The following ANK1 variants were observed in gnomAD, a reference collection of about 807,000 sequenced individuals.
ANK1 encodes the protein ankyrin 1, also known as ankyrin-1.
Under a neutral mutation model 210.4 loss-of-function variants are expected in ANK1, and 51 were observed. The observed-to-expected ratio is 0.24, with a 90% CI of 0.19 to 0.31. The LOEUF is 0.31. Among genes scored for constraint, ANK1 ranks in the 10% least tolerant of loss-of-function variants. ANK1 has a pLI of 1.00. For synonymous variants in ANK1, 967 were observed against 1,025.9 expected, an observed-to-expected ratio of 0.94 and a Z score of 1.10; for missense variants, 2,051 against 2,504.4, an observed-to-expected ratio of 0.82 and a Z score of 3.86.
At chr8:41,857,360 G>A (rs1041860311) in intron 1 of ANK1, among the ~76,000 whole-genome samples, 8 of 151,502 alleles carry the variant, frequency 5.3e-5, no homozygotes, top group African/African-American at 1.7e-4. Context: ...CACTTTGGGA[G>A]GCCGAGGCAG....
intron 9 of ANK1, among the ~76,000 whole-genome samples, chr8:41,721,727 C>T (rs1305952245): frequency 6.7e-6 from 1 of 149,360 alleles, no homozygotes; most frequent in Non-Finnish European, 1.5e-5. Flanking sequence ...CCTCCAGCTT[C>T]TGGAAGTGTG....
chr8:41,896,671 G>A (rs1255399987), exon 1 of ANK1: 3 of 630,548 alleles, frequency 4.8e-6, no homozygotes, highest in East Asian at 5.1e-5. Context: ...GGCGAGGGGC[G>A]GCTGCCCGCG....
At chr8:41,758,175 GTATT>G (rs751122184) in intron 1 of ANK1, 38 bp from the exon 2 acceptor site, 1 of 1,580,106 alleles carries the variant, frequency 6.3e-7, no homozygotes, top group Admixed American at 1.7e-5. Flanking sequence ...TGTCCTGGGT[GTATT>G]AATGACTTCT....
chr8:41,723,452 A>T (rs1303946440), intron 8 of ANK1, 83 bp downstream of exon 8: 3 of 1,520,358 alleles, frequency 2.0e-6, no homozygotes, highest in Non-Finnish European at 2.7e-6. Flanking sequence ...TAACTAGGTC[A>T]CCAAGGGCCC....
At chr8:41,807,375 C>A (rs574321115) in intron 1 of ANK1, among the ~76,000 whole-genome samples, 2 of 152,304 alleles carry the variant, frequency 1.3e-5, no homozygotes, top group Admixed American at 1.3e-4. Context: ...AAGACTCTAA[C>A]GTGGCTTTGA....
chr8:41,668,612 G>A, intron 38 of ANK1, 48 bp from the exon 39 acceptor site: 1 of 1,568,244 alleles, frequency 6.4e-7, no homozygotes, highest in South Asian at 1.2e-5. Flanking sequence ...AGAGAGAAAA[G>A]ACACCTGGTC....
In ANK1 at chr8:41,702,039, G is replaced by A. The variant is rs533332244; in HGVS notation, c.2388+13C>T. ...GTGTGTCTGGGGTGGGTGCGGGGGA[G>A]AGGCAGACATACCACGAAACTGGTT... On this transcript the variant is annotated intron_variant, in intron 21 of 42. Transcript: ENST00000289734. The A allele has an allele frequency of 1.1e-5, 17 of 1,610,388 alleles. No individual in the cohort carries two copies. In the South Asian group the frequency reaches 1.8e-4, roughly 17 times the overall value.
chr8:41,809,301 C>A (rs931796151), intron 1 of ANK1, among the ~76,000 whole-genome samples: 1 of 152,200 alleles, frequency 6.6e-6, no homozygotes, highest in East Asian at 1.9e-4. Flanking sequence ...ACACCAAATG[C>A]GCAGCTCTGT....
At chr8:41,750,245 T>C (rs900022661) in intron 2 of ANK1, among the ~76,000 whole-genome samples, 1 of 152,202 alleles carries the variant, frequency 6.6e-6, no homozygotes, top group African/African-American at 2.4e-5. Flanking sequence ...AATGCACATG[T>C]GGAACTTTAG....
chr8:41,720,958 C>T (rs1198962670), intron 9 of ANK1, among the ~76,000 whole-genome samples: 2 of 152,124 alleles, frequency 1.3e-5, no homozygotes, highest in Non-Finnish European at 2.9e-5. Context: ...GAGCTCAGGA[C>T]CTGGGACTTC....
chr8:41,802,071 C>A (rs574631957), upstream of ANK1, among the ~76,000 whole-genome samples: 1 of 152,282 alleles, frequency 6.6e-6, no homozygotes, highest in Non-Finnish European at 1.5e-5. Context: ...CTCACTGCAA[C>A]CTCCGCCTCC....
intron 1 of ANK1, chr8:41,829,538 C>G (rs1175588506): frequency 1.3e-5 from 2 of 152,214 alleles, no homozygotes; most frequent in East Asian, 1.9e-4. Context: ...TCCCACTCAC[C>G]GTGTAAGACC....
chr8:41,658,331 G>C (rs1354632047), intron 42 of ANK1, among the ~76,000 whole-genome samples: 2 of 152,222 alleles, frequency 1.3e-5, no homozygotes, highest in Non-Finnish European at 2.9e-5. Context: ...AATTGTTTGA[G>C]TCCCAGAGCA....
At chr8:41,820,760 T>C (rs986353778) in intron 1 of ANK1, among the ~76,000 whole-genome samples, 2 of 152,172 alleles carry the variant, frequency 1.3e-5, no homozygotes, top group Admixed American at 1.3e-4. Flanking sequence ...AAAAACCATG[T>C]TTAATTGCAT....
intron 1 of ANK1, among the ~76,000 whole-genome samples, chr8:41,763,797 A>G (rs1337724375): frequency 1.3e-5 from 2 of 151,968 alleles, no homozygotes; most frequent in Admixed American, 1.3e-4. Flanking sequence ...CCAGGGAAGT[A>G]AAGTGACCGG....
upstream of ANK1, among the ~76,000 whole-genome samples, chr8:41,800,453 C>A (rs887892035): frequency 6.6e-6 from 1 of 152,138 alleles, no homozygotes; most frequent in African/African-American, 2.4e-5. Context: ...ATTAGATTAA[C>A]GCTTTAATTC....
At chr8:41,707,267 G>T (rs936745808) in intron 17 of ANK1, among the ~76,000 whole-genome samples, 1 of 152,206 alleles carries the variant, frequency 6.6e-6, no homozygotes, top group Non-Finnish European at 1.5e-5. Context: ...TTTGATATGT[G>T]GGCACCCACA....
intron 39 of ANK1, among the ~76,000 whole-genome samples, chr8:41,667,813 C>T (rs1811035933): frequency 6.6e-6 from 1 of 152,140 alleles, no homozygotes; most frequent in South Asian, 2.1e-4. Context: ...CCAATCACTC[C>T]CTCCTTTACC....
At position 41,704,042 on chromosome 8, in the gene ANK1, G is replaced by C; in HGVS notation, c.2294C>G (p.Ser765Trp). ...KNGASPNEVS[S>W]DGTTPLAIAK... is the part of the protein sequence containing the mutation. ...ACTCAGGAGAGAGAGTGTACTCACC[G>C]AGCTGACCTCGTTTGGGGAAGCACC... Residue 765 changes from serine (S) to tryptophan (W), a missense_variant and splice_region_variant, in exon 20 of 43, where the codon TCG (serine) becomes TGG (tryptophan). Ser to Trp is a radical substitution (Grantham distance 177). Transcript: ENST00000289734. The surrounding 1 kb of genome is among the most constrained non-coding windows in gnomAD (Gnocchi z 4.1). 1.2e-6 allele frequency: 2 copies of C among 1,613,832 alleles called. No homozygotes were observed. The highest frequency in any genetic ancestry group is 1.7e-6 in the Non-Finnish European group (2 of 1,179,854).
Sources: gnomAD v4.1 joint callset for allele counts (sites outside exome capture counted in the v4.1 genomes callset) on GRCh38, gnomAD v4.1.1 for gene constraint, Gnocchi (gnomAD v3.1) non-coding constraint, MANE v1.5 for transcripts, NCBI Gene and HGNC (gene_info 2026-07-23, HGNC 2026-07-21) for gene names.